SHROOM2: variants seen among roughly 807,000 people sequenced by gnomAD.
SHROOM2 encodes protein Shroom2.
In SHROOM2, 33 loss-of-function variants were observed where a neutral mutation model predicts 75.9. The ratio of observed to expected loss-of-function variants is 0.43; its 90% CI spans 0.33 to 0.58. SHROOM2 has a LOEUF of 0.58. Among genes scored for constraint, SHROOM2 ranks in the 20% least tolerant of loss-of-function variants. The pLI is 0.04. For missense variants in SHROOM2, 1,434 were observed against 1,461.2 expected (o/e 0.98, Z 0.30); for synonymous variants, 655 against 663.6 (o/e 0.99, Z 0.20).
intron 5 of SHROOM2, among the ~76,000 whole-genome samples, chrX:9,900,508 A>G (rs1244872748): frequency 8.9e-6 from 1 of 112,361 alleles, no homozygotes; most frequent in African/African-American, 3.2e-5. Flanking sequence ...GCGTAGCAAA[A>G]AGTATGTATT....
chrX:9,928,562 A>G (rs1019761275), intron 5 of SHROOM2, among the ~76,000 whole-genome samples: 2 of 112,130 alleles, frequency 1.8e-5, no homozygotes, highest in African/African-American at 6.5e-5. Context: ...CACAGGCACA[A>G]CAGAGACACA....
chrX:9,883,116 C>T lies in SHROOM2; in HGVS notation c.318-7861C>T, dbSNP rs148893248. Among the ~76,000 whole-genome samples the T allele has an allele frequency of 9.3e-3, 1,042 of 112,163 alleles. 17 individuals are homozygous for T. In the East Asian group the frequency reaches 0.093, roughly 10 times the overall value. ...CATGTGATGTATGTGAGAAGCACTC[C>T]CACCACGTGGTTAAAATCATTCCTT... On this transcript the variant is annotated intron_variant, in intron 2 of 9. Coordinates refer to ENST00000380913, the MANE Select transcript of SHROOM2 (RefSeq NM_001649.4).
rs1326573248 is a variant in SHROOM2 at position 9,847,761 on chromosome X, T to A, written c.166-25891T>A. On this transcript the variant is annotated intron_variant, in intron 1 of 9. Transcript: ENST00000380913. ...TCTGGTAATGCCTAAATGCTTGTGCTGAGTTACATGTGGAAACAGCTCTAC... is the reference window on the plus strand; with the variant it reads ...TCTGGTAATGCCTAAATGCTTGTGCAGAGTTACATGTGGAAACAGCTCTAC... 2.7e-5 allele frequency among the ~76,000 whole-genome samples: 3 copies of A among 111,066 alleles called. No individual in the cohort carries two copies. In the Admixed American group the frequency reaches 2.9e-4, roughly 11 times the overall value.
chrX:9,835,729 T>G, intron 1 of SHROOM2, among the ~76,000 whole-genome samples: 1 of 88,201 alleles, frequency 1.1e-5, no homozygotes, highest in East Asian at 3.0e-4. Flanking sequence ...CTCTTCATGT[T>G]TTTTTTTTTT....
chrX:9,803,284 C>T (rs1172503435), intron 1 of SHROOM2, among the ~76,000 whole-genome samples: 1 of 111,212 alleles, frequency 9.0e-6, no homozygotes, highest in African/African-American at 3.3e-5. Flanking sequence ...CTAAACAAGA[C>T]ACTCAAGCCT....
At chrX:9,855,405 G>A (rs1488622770) in intron 1 of SHROOM2, among the ~76,000 whole-genome samples, 1 of 106,298 alleles carries the variant, frequency 9.4e-6, no homozygotes, top group Non-Finnish European at 1.9e-5. Flanking sequence ...TTTTAGCTCT[G>A]TTCAGAATCT....
In SHROOM2 at chrX:9,786,569, G is replaced by T; in HGVS notation, c.24G>T (p.Ala8=). 1 of 858,200 alleles carries T rather than the reference G, an allele frequency of 1.2e-6. No homozygotes were observed. The highest frequency in any genetic ancestry group is 1.4e-6 in the Non-Finnish European group (1 of 705,467). The allele number at this position is 858,200 out of a possible 1,213,427, so 70.7% of individuals were successfully genotyped here. ...CCATGGAGGGCGCCGAGCCCCGCGCGCGGCCCGAGCGCCTGGCCGAGGCCG... is the reference window on the plus strand; with the variant it reads ...CCATGGAGGGCGCCGAGCCCCGCGCTCGGCCCGAGCGCCTGGCCGAGGCCG... MEGAEPR[A]RPERLAEAET... is the part of the protein sequence containing the mutation. The change falls in exon 1 of 10, where the codon GCG becomes GCT. Residue 8 remains alanine (A), a synonymous_variant. Transcript: ENST00000380913.
intron 9 of SHROOM2, 95 bp downstream of exon 9, chrX:9,945,008 A>G: frequency 1.0e-6 from 1 of 961,023 alleles, no homozygotes; most frequent in Non-Finnish European, 1.4e-6. Context: ...GGAGCCTAGC[A>G]TAGCTTCCAC....
Position 9,896,019 on chromosome X carries a change from C to G in SHROOM2, c.2111C>G (p.Pro704Arg). 8.3e-7 allele frequency: 1 copy of G among 1,210,233 alleles called. No individual in the cohort carries two copies. The part of the protein sequence containing the change: ...ATSFKRRDLD[P>R]NPGDLYPESL... ...TCCTTCAAGCGCCGCGACTTGGACC[C>G]CAACCCAGGAGACCTATACCCGGAG... Residue 704 changes from proline (P) to arginine (R), a missense_variant, in exon 4 of 10, where the codon CCC (proline) becomes CGC (arginine). Physicochemically the swap from Pro to Arg is moderately radical, Grantham distance 103. This residue lies in a region of SHROOM2 where 1,340 missense variants were observed against 1,338.3 expected (regional missense o/e 1.00). Transcript: ENST00000380913.
chrX:9,808,816 C>T (rs2083773734), intron 1 of SHROOM2, among the ~76,000 whole-genome samples: 2 of 110,159 alleles, frequency 1.8e-5, no homozygotes, highest in East Asian at 2.9e-4. Context: ...GAGCCAAGTT[C>T]GCGCCATTGC....
intron 1 of SHROOM2, among the ~76,000 whole-genome samples, chrX:9,854,103 T>G (rs191214617): frequency 1.7e-4 from 19 of 112,812 alleles, no homozygotes; most frequent in Admixed American, 1.5e-3. Flanking sequence ...TTAACCCCAG[T>G]GGCTTCCTGA....
rs1485473051 is a variant in SHROOM2, at chrX:9,786,501, C to T, written c.-45C>T. On this transcript the variant is annotated 5_prime_UTR_variant, in exon 1 of 10. Coordinates refer to ENST00000380913, the MANE Select transcript of SHROOM2 (RefSeq NM_001649.4). ...CCTTGCGATCCCACGGCCGGGACTG[C>T]CCGGAGTGCATGGGCGCGGGCCAGG... 7.2e-6 allele frequency: 6 copies of T among 837,475 alleles called. No individual in the cohort carries two copies. Among genetic ancestry groups the T allele is most frequent in the Non-Finnish European group, 8.7e-6 (6 of 689,498 alleles). The allele number at this position is 837,475 out of a possible 1,213,427, so 69.0% of individuals were successfully genotyped here. A position where few individuals can be genotyped will look rare whatever the true frequency, so the allele number is the denominator to read the frequency against.
intron 1 of SHROOM2, among the ~76,000 whole-genome samples, chrX:9,793,625 C>T (rs2083679460): frequency 9.0e-6 from 1 of 110,891 alleles, no homozygotes; most frequent in African/African-American, 3.3e-5. Flanking sequence ...CATCTACCCT[C>T]CCCCAACTAC....
chrX:9,864,824 C>A (rs1569153111), intron 1 of SHROOM2, among the ~76,000 whole-genome samples: 4 of 95,849 alleles, frequency 4.2e-5, no homozygotes, highest in Non-Finnish European at 4.2e-5. Flanking sequence ...GACTCCGTCT[C>A]AAAAAATAAA....
At chrX:9,932,980 G>A (rs376616155) in intron 6 of SHROOM2, 110 bp downstream of exon 6, 8 of 625,135 alleles carry the variant, frequency 1.3e-5, no homozygotes, top group Admixed American at 3.9e-5. Context: ...AGCTCAAGGC[G>A]TTGGACTTAA....
chrX:9,936,280 T>C (rs1259314360), intron 6 of SHROOM2, among the ~76,000 whole-genome samples: 1 of 109,225 alleles, frequency 9.2e-6, no homozygotes, highest in Admixed American at 9.8e-5. Flanking sequence ...CCCGGCTAAT[T>C]TTTGTATTTT....
In SHROOM2 at chrX:9,813,868, A is replaced by G. The variant is rs766567751; in HGVS notation, c.165+27158A>G. ...GCTGTCCATTATGGTAGCTACGCACACCTTGCCTTTGACGGTTGAGTGTCA... is the reference window on the plus strand; with the variant it reads ...GCTGTCCATTATGGTAGCTACGCACGCCTTGCCTTTGACGGTTGAGTGTCA... On this transcript the variant is annotated intron_variant, in intron 1 of 9. Coordinates refer to ENST00000380913, the MANE Select transcript of SHROOM2 (RefSeq NM_001649.4). Among the ~76,000 whole-genome samples, 19 of 111,894 alleles carry G rather than the reference A, an allele frequency of 1.7e-4. 1 individual carries two copies. Among genetic ancestry groups the G allele is most frequent in the Middle Eastern group, 4.6e-3 (1 of 217 alleles).
In SHROOM2 at chrX:9,909,541, A is replaced by G. The variant is rs770902045; in HGVS notation, c.2891+11251A>G. ...GGAGAAACTGGTGTATACCAACTTCACCAGGCGATCAGGGCCAACGTTGAC... is the reference window on the plus strand; with the variant it reads ...GGAGAAACTGGTGTATACCAACTTCGCCAGGCGATCAGGGCCAACGTTGAC... On this transcript the variant is annotated intron_variant, in intron 5 of 9. Transcript: ENST00000380913. Among the ~76,000 whole-genome samples the G allele has an allele frequency of 3.4e-4, 38 of 112,299 alleles. 1 individual carries two copies. In the South Asian group the frequency reaches 6.3e-3, roughly 19 times the overall value.
intron 5 of SHROOM2, among the ~76,000 whole-genome samples, chrX:9,921,326 G>A (rs1441552844): frequency 1.8e-5 from 2 of 111,838 alleles, no homozygotes; most frequent in Admixed American, 1.9e-4. Flanking sequence ...CATATAAAAG[G>A]CTGTACATAT....
Sources: gnomAD v4.1 joint callset for allele counts (sites outside exome capture counted in the v4.1 genomes callset) on GRCh38, gnomAD v4.1.1 for gene constraint, gnomAD v4.1.1 regional missense constraint, MANE v1.5 for transcripts, NCBI Gene and HGNC (gene_info 2026-07-23, HGNC 2026-07-21) for gene names.